The following APP variants were observed in gnomAD, a reference collection of about 807,000 sequenced individuals.
APP encodes the protein amyloid-beta precursor protein.
A neutral mutation model predicts 101.4 loss-of-function variants in APP; 31 were observed. The observed-to-expected ratio is 0.31, with a 90% CI of 0.23 to 0.41. The LOEUF (loss-of-function observed/expected upper bound fraction) is 0.41. Among genes scored for constraint, APP ranks in the 10% least tolerant of loss-of-function variants. The pLI is 1.00. For missense variants in APP, 839 were observed against 1,003.7 expected (o/e 0.84, Z 2.22); for synonymous variants, 366 against 364.4 (o/e 1.00, Z -0.05).
chr21:25,967,407 G>C (rs898210163), intron 11 of APP, among the ~76,000 whole-genome samples: 1 of 152,168 alleles, frequency 6.6e-6, no homozygotes, highest in Non-Finnish European at 1.5e-5. Flanking sequence ...GTTGAAGTCA[G>C]AATAATAATC....
chr21:26,059,038 G>A (rs1040390069), intron 3 of APP, among the ~76,000 whole-genome samples: 8 of 151,184 alleles, frequency 5.3e-5, no homozygotes, highest in Non-Finnish European at 7.4e-5. Flanking sequence ...CCGAGATCGC[G>A]CCACTGCACT....
chr21:25,950,604 A>G lies in APP; in HGVS notation c.1687+3986T>C, dbSNP rs572889559. Reference sequence around the variant, plus strand: ...ACCATGTTGGCCACGCTGGTCTTGAACTCCTGACCTCAGGTGATCCACTGC... The same window carrying G: ...ACCATGTTGGCCACGCTGGTCTTGAGCTCCTGACCTCAGGTGATCCACTGC... On this transcript the variant is annotated intron_variant, in intron 13 of 17. Transcript: ENST00000346798. 2.0e-5 allele frequency among the ~76,000 whole-genome samples: 3 copies of G among 150,124 alleles called. No homozygotes were observed. In the South Asian group the frequency reaches 6.3e-4, roughly 32 times the overall value.
intron 1 of APP, among the ~76,000 whole-genome samples, chr21:26,126,909 G>GTT (rs2062696322): frequency 6.6e-6 from 1 of 150,664 alleles, no homozygotes; most frequent in Admixed American, 6.6e-5. Flanking sequence ...TAATCCAACT[G>GTT]ACATCATATA....
At chr21:26,076,830 G>C (rs571737640) in intron 3 of APP, among the ~76,000 whole-genome samples, 1 of 152,124 alleles carries the variant, frequency 6.6e-6, no homozygotes, top group Non-Finnish European at 1.5e-5. Context: ...TTGGGAGGCC[G>C]AGGTGGGCGG....
intron 16 of APP, among the ~76,000 whole-genome samples, chr21:25,895,110 CTTT>C (rs142828503): frequency 4.1e-4 from 59 of 142,620 alleles, no homozygotes; most frequent in East Asian, 8.4e-4. Context: ...ATATACATGG[CTTT>C]TTTTTTTTTT....
intron 5 of APP, among the ~76,000 whole-genome samples, chr21:26,044,653 C>T (rs191214316): frequency 6.6e-6 from 1 of 152,256 alleles, no homozygotes; most frequent in East Asian, 1.9e-4. Flanking sequence ...GATTCTCCTG[C>T]CTCAGCCTCC....
intron 7 of APP, among the ~76,000 whole-genome samples, chr21:25,998,205 G>C (rs2043130474): frequency 6.6e-6 from 1 of 152,014 alleles, no homozygotes; most frequent in African/African-American, 2.4e-5. Context: ...TTGCAAATCT[G>C]CCAGGAAACC....
intron 1 of APP, among the ~76,000 whole-genome samples, chr21:26,159,645 A>G (rs2063449326): frequency 6.6e-6 from 1 of 152,226 alleles, no homozygotes; most frequent in East Asian, 1.9e-4. Flanking sequence ...GTAAATCTAA[A>G]TAACTTCGCA....
intron 13 of APP, among the ~76,000 whole-genome samples, chr21:25,944,635 G>A (rs1311302798): frequency 3.9e-5 from 6 of 152,034 alleles, no homozygotes; most frequent in Non-Finnish European, 5.9e-5. Flanking sequence ...CTCAAAATTC[G>A]GGAAACATAT....
intron 5 of APP, 118 bp from the exon 6 acceptor site, chr21:26,022,160 A>G (rs534163291): frequency 8.5e-7 from 1 of 1,180,910 alleles, no homozygotes; most frequent in Non-Finnish European, 1.3e-6. Flanking sequence ...CAAAACTTCA[A>G]TTCAGCAGGT....
chr21:25,991,423 G>A (rs1167876940), intron 8 of APP, among the ~76,000 whole-genome samples: 1 of 152,104 alleles, frequency 6.6e-6, no homozygotes, highest in Non-Finnish European at 1.5e-5. Flanking sequence ...TGTCCCCCAG[G>A]CTGGAGTGCG....
At chr21:25,887,536 A>C (rs1243969195) in intron 17 of APP, among the ~76,000 whole-genome samples, 3 of 150,824 alleles carry the variant, frequency 2.0e-5, no homozygotes, top group African/African-American at 4.9e-5. Flanking sequence ...AAAAAAAAAA[A>C]AAAACAACAA....
intron 11 of APP, among the ~76,000 whole-genome samples, chr21:25,972,565 T>A (rs1272060543): frequency 6.6e-6 from 1 of 152,082 alleles, no homozygotes; most frequent in African/African-American, 2.4e-5. Flanking sequence ...AGAGACAGGA[T>A]GCCCTTTGTC....
rs1012062519 is a variant in APP, at chr21:25,891,616, AT to A, written c.2211+105del. 12 of 1,130,896 alleles carry A rather than the reference AT, an allele frequency of 1.1e-5. No homozygotes were observed. The African/African-American group carries it at 1.7e-4, about 16-fold the overall frequency. The allele number at this position is 1,130,896 out of a possible 1,614,324, so 70.1% of individuals were successfully genotyped here. ...ACCCAAGCATCATGGAAGCACACTGATTCGTTTTTTAAAAGAGATACTTAGC... is the reference window on the plus strand; with the variant it reads ...ACCCAAGCATCATGGAAGCACACTGATCGTTTTTTAAAAGAGATACTTAGC... On this transcript the variant is annotated intron_variant, in intron 17 of 17. Transcript: ENST00000346798.
intron 2 of APP, among the ~76,000 whole-genome samples, chr21:26,094,792 A>C (rs942003704): frequency 6.6e-6 from 1 of 151,626 alleles, no homozygotes; most frequent in Non-Finnish European, 1.5e-5. Flanking sequence ...CAGTCCAAAA[A>C]TATTAAATAG....
intron 5 of APP, among the ~76,000 whole-genome samples, chr21:26,028,364 G>A (rs777723954): frequency 6.6e-6 from 1 of 152,116 alleles, no homozygotes. Flanking sequence ...CAGATTAAAC[G>A]CTTCAGAAAT....
intron 1 of APP, among the ~76,000 whole-genome samples, chr21:26,125,763 GGAGTTCTAA>G (rs1471545818): frequency 2.0e-5 from 3 of 152,178 alleles, no homozygotes; most frequent in African/African-American, 7.2e-5. Flanking sequence ...CATCACATCA[GGAGTTCTAA>G]GAGTCAATCT....
intron 8 of APP, among the ~76,000 whole-genome samples, chr21:25,996,744 T>C (rs530484864): frequency 6.6e-6 from 1 of 152,344 alleles, no homozygotes; most frequent in South Asian, 2.1e-4. Context: ...TACAACCCGA[T>C]TGTGCGGGAT....
chr21:25,887,295 G>A (rs535927935), intron 17 of APP, among the ~76,000 whole-genome samples: 34 of 152,240 alleles, frequency 2.2e-4, no homozygotes, highest in Admixed American at 1.7e-3. Context: ...CAGGAGCAAG[G>A]TGGTTAATTC....
Sources: allele counts gnomAD v4.1 joint callset (sites outside exome capture counted in the v4.1 genomes callset), GRCh38; gene constraint gnomAD v4.1.1; transcripts MANE v1.5; gene names NCBI Gene and HGNC (gene_info 2026-07-23, HGNC 2026-07-21).